CIMIP7: variants seen among roughly 807,000 people sequenced by gnomAD.
CIMIP7 encodes uncharacterized protein C3orf84.
the CIMIP7 span, among the ~76,000 whole-genome samples, chr3:49,191,122 T>C: frequency 6.6e-6 from 1 of 152,158 alleles, no homozygotes. Context: ...TTGTCCTGAG[T>C]TCTCCCTGGA....
the CIMIP7 span, among the ~76,000 whole-genome samples, chr3:49,181,697 C>T: frequency 6.6e-6 from 1 of 152,134 alleles, no homozygotes; most frequent in Non-Finnish European, 1.5e-5. Context: ...ATAAGGAAGT[C>T]TCTCAACTCA....
the CIMIP7 span, among the ~76,000 whole-genome samples, chr3:49,179,193 A>T: frequency 6.6e-6 from 1 of 152,032 alleles, no homozygotes; most frequent in African/African-American, 2.4e-5. Context: ...TTGAATATGC[A>T]AGTATCCTGT....
the CIMIP7 span, among the ~76,000 whole-genome samples, chr3:49,178,815 A>G: frequency 6.6e-6 from 1 of 152,156 alleles, no homozygotes; most frequent in Admixed American, 6.5e-5. Context: ...ACATCCTCCC[A>G]TCAGGGGAGC....
the CIMIP7 span, among the ~76,000 whole-genome samples, chr3:49,180,638 T>C: frequency 6.7e-6 from 1 of 150,004 alleles, no homozygotes; most frequent in South Asian, 2.1e-4. Context: ...TGTTTAAGAG[T>C]TCCCTTTTTA....
chr3:49,181,510 T>G, the CIMIP7 span, among the ~76,000 whole-genome samples: 9 of 151,866 alleles, frequency 5.9e-5, no homozygotes, highest in Non-Finnish European at 1.2e-4. Flanking sequence ...AATAACAAAT[T>G]AGCCAGGCGT....
At chr3:49,185,747 G>A in the CIMIP7 span, among the ~76,000 whole-genome samples, 8 of 150,378 alleles carry the variant, frequency 5.3e-5, no homozygotes, top group South Asian at 1.1e-3. Flanking sequence ...CTGGAGTACA[G>A]TGGCTCGATC....
At chr3:49,190,183 C>G in the CIMIP7 span, 1 of 1,411,866 alleles carries the variant, frequency 7.1e-7, no homozygotes, top group Non-Finnish European at 9.7e-7. Flanking sequence ...CAAATCTCCA[C>G]CATGGATCCT....
chr3:49,188,779 GATTT>G, the CIMIP7 span, among the ~76,000 whole-genome samples: 1 of 151,892 alleles, frequency 6.6e-6, no homozygotes, highest in Non-Finnish European at 1.5e-5. Context: ...TTGTGACTCC[GATTT>G]ATTTATTTAT....
At chr3:49,190,406 G>C in the CIMIP7 span, among the ~76,000 whole-genome samples, 1 of 152,052 alleles carries the variant, frequency 6.6e-6, no homozygotes, top group Non-Finnish European at 1.5e-5. Context: ...CATTCATTTA[G>C]AGCAGAGATT....
the CIMIP7 span, among the ~76,000 whole-genome samples, chr3:49,182,570 C>T: frequency 1.3e-5 from 2 of 152,236 alleles, no homozygotes; most frequent in Non-Finnish European, 2.9e-5. Context: ...TTCTCCAAGT[C>T]CCCACCAGAC....
At chr3:49,179,909 G>C in the CIMIP7 span, among the ~76,000 whole-genome samples, 1 of 152,116 alleles carries the variant, frequency 6.6e-6, no homozygotes, top group Non-Finnish European at 1.5e-5. Context: ...AGGCCGAGGC[G>C]GGTGGATCAC....
At chr3:49,178,375 A>G in the CIMIP7 span, 3 of 1,019,682 alleles carry the variant, frequency 2.9e-6, no homozygotes, top group East Asian at 5.0e-5. Flanking sequence ...CTGCCTTCAT[A>G]AGGAGCCCTC....
chr3:49,183,403 C>G, the CIMIP7 span, among the ~76,000 whole-genome samples: 16 of 152,182 alleles, frequency 1.1e-4, no homozygotes, highest in Non-Finnish European at 2.1e-4. Context: ...AAACATGCAG[C>G]CGGGCGCGGT....
At chr3:49,178,900 C>T in the CIMIP7 span, among the ~76,000 whole-genome samples, 1 of 152,152 alleles carries the variant, frequency 6.6e-6, no homozygotes. Flanking sequence ...TGCATCCACA[C>T]TTACTCCCCC....
At chr3:49,178,803 G>C in the CIMIP7 span, among the ~76,000 whole-genome samples, 1 of 152,170 alleles carries the variant, frequency 6.6e-6, no homozygotes, top group African/African-American at 2.4e-5. Flanking sequence ...GCATCTGCTA[G>C]AACATCCTCC....
chr3:49,181,488 G>C, the CIMIP7 span, among the ~76,000 whole-genome samples: 1 of 152,018 alleles, frequency 6.6e-6, no homozygotes, highest in Non-Finnish European at 1.5e-5. Flanking sequence ...CCCAGACACT[G>C]TCTCTACAAA....
the CIMIP7 span, among the ~76,000 whole-genome samples, chr3:49,187,491 C>G: frequency 6.6e-6 from 1 of 152,140 alleles, no homozygotes; most frequent in Non-Finnish European, 1.5e-5. Flanking sequence ...AATCATGGCA[C>G]CACAGGTGAA....
the CIMIP7 span, among the ~76,000 whole-genome samples, chr3:49,187,096 T>A: frequency 1.3e-5 from 2 of 152,226 alleles, no homozygotes; most frequent in Non-Finnish European, 2.9e-5. Context: ...AATTCACTAT[T>A]CCTATAGTGG....
the CIMIP7 span, among the ~76,000 whole-genome samples, chr3:49,191,151 C>A: frequency 1.2e-4 from 18 of 152,248 alleles, no homozygotes; most frequent in East Asian, 2.5e-3. Context: ...GTGTGTCTGG[C>A]CCTCCACAAT....
Sources: allele counts gnomAD v4.1 joint callset (sites outside exome capture counted in the v4.1 genomes callset), GRCh38; gene constraint gnomAD v4.1.1; transcripts MANE v1.5; gene names NCBI Gene and HGNC (gene_info 2026-07-23, HGNC 2026-07-21).